The following MMP26 variants were observed in gnomAD, a reference collection of about 807,000 sequenced individuals.
MMP26 encodes the protein matrix metallopeptidase 26.
Under a neutral mutation model 31.0 loss-of-function variants are expected in MMP26, and 33 were observed. The observed-to-expected ratio is 1.06, with a 90% CI of 0.81 to 1.42. The LOEUF is 1.42. Ranked by LOEUF, MMP26 falls within the 40% of genes most tolerant of loss-of-function variation. The probability of loss-of-function intolerance (pLI) is 0.00; values close to 1 mark genes in which losing one functional copy is unlikely to be tolerated. For synonymous variants in MMP26, 122 were observed against 114.9 expected, an observed-to-expected ratio of 1.06 and a Z score of -0.40; for missense variants, 347 against 316.1, an observed-to-expected ratio of 1.10 and a Z score of -0.74.
intron 2 of MMP26, among the ~76,000 whole-genome samples, chr11:4,873,172 G>A (rs566572618): frequency 5.3e-5 from 8 of 152,066 alleles, no homozygotes; most frequent in African/African-American, 1.7e-4. Context: ...AAGGAATCAG[G>A]GGCCTCGTTT....
At chr11:4,765,421 T>A (rs901918657) in intron 1 of MMP26, among the ~76,000 whole-genome samples, 2 of 152,240 alleles carry the variant, frequency 1.3e-5, no homozygotes, top group African/African-American at 4.8e-5. Flanking sequence ...TGACAGGTCC[T>A]GCTCCTCTAT....
chr11:4,731,642 A>C (rs971041309), intron 1 of MMP26, among the ~76,000 whole-genome samples: 2 of 152,130 alleles, frequency 1.3e-5, no homozygotes, highest in South Asian at 2.1e-4. Flanking sequence ...GTGTGGGGAC[A>C]TTTTCTATAA....
At chr11:4,862,959 A>G (rs1223353557) in intron 2 of MMP26, among the ~76,000 whole-genome samples, 1 of 152,050 alleles carries the variant, frequency 6.6e-6, no homozygotes, top group East Asian at 1.9e-4. Context: ...GTTTTTCTTT[A>G]AATGTCAAGT....
intron 1 of MMP26, among the ~76,000 whole-genome samples, chr11:4,724,572 T>G (rs575336284): frequency 4.6e-5 from 7 of 152,326 alleles, no homozygotes; most frequent in African/African-American, 1.4e-4. Context: ...TTTCTAATGG[T>G]TTGGAAGCAA....
intron 2 of MMP26, among the ~76,000 whole-genome samples, chr11:4,911,709 T>C (rs1317955281): frequency 6.6e-6 from 1 of 152,142 alleles, no homozygotes; most frequent in Non-Finnish European, 1.5e-5. Context: ...GAAAAGCCCC[T>C]CTTTATAGAG....
intron 2 of MMP26, chr11:4,937,357 C>G (rs1398618109): frequency 6.6e-6 from 1 of 152,230 alleles, no homozygotes; most frequent in Admixed American, 6.5e-5. Context: ...CTTTGATCAA[C>G]TTACTTTTGG....
intron 1 of MMP26, among the ~76,000 whole-genome samples, chr11:4,727,535 C>T (rs1848117376): frequency 6.6e-6 from 1 of 152,222 alleles, no homozygotes; most frequent in South Asian, 2.1e-4. Flanking sequence ...CTTGGCTGGG[C>T]ACGGTGGCTC....
chr11:4,962,898 T>C (rs1026465162), intron 2 of MMP26, among the ~76,000 whole-genome samples: 15 of 152,272 alleles, frequency 9.9e-5, no homozygotes, highest in Admixed American at 9.2e-4. Flanking sequence ...TGATAAATAG[T>C]TGAGCCCACA....
rs182937496 is a variant in MMP26 at position 4,733,549 on chromosome 11, A to T, written c.-217+28504A>T. On this transcript the variant is annotated intron_variant, in intron 1 of 7. Coordinates refer to ENST00000380390, the MANE Select transcript of MMP26 (RefSeq NM_021801.5). ...TTCTGCAACTTGTCTGAACCCATTTATTAGTTTTAATATTTAGTAGATTAA... is the reference window on the plus strand; with the variant it reads ...TTCTGCAACTTGTCTGAACCCATTTTTTAGTTTTAATATTTAGTAGATTAA... Among the ~76,000 whole-genome samples, 3 of 152,218 alleles carry T rather than the reference A, an allele frequency of 2.0e-5. No homozygotes were observed. The East Asian group carries it at 5.8e-4, about 29-fold the overall frequency.
chr11:4,813,826 T>TAA (rs71050432), intron 2 of MMP26, among the ~76,000 whole-genome samples: 6 of 150,734 alleles, frequency 4.0e-5, no homozygotes, highest in African/African-American at 9.7e-5. Flanking sequence ...TTCATTAAAA[T>TAA]AAAAAAAAAT....
intron 2 of MMP26, chr11:4,786,978 G>A (rs141048731): frequency 6.5e-6 from 1 of 152,926 alleles, no homozygotes; most frequent in Non-Finnish European, 1.5e-5. Flanking sequence ...ACCTGGGGCT[G>A]ACCCTCTCCA....
chr11:4,992,176 C>G, intron 7 of MMP26, 38 bp from the exon 8 acceptor site: 2 of 1,553,190 alleles, frequency 1.3e-6, no homozygotes, highest in South Asian at 2.3e-5. Flanking sequence ...AAAATTTCAC[C>G]TGAAATTTAC....
Position 4,814,843 on chromosome 11 carries a change from A to G in MMP26, c.-145+47502A>G, listed in dbSNP as rs534889910. Among the ~76,000 whole-genome samples the G allele has an allele frequency of 2.0e-4, 30 of 152,280 alleles. 1 individual carries two copies. In the East Asian group the frequency reaches 3.9e-3, roughly 20 times the overall value. ...ATAGTAATTCTGCATATAGTTGTGA[A>G]CCAAAAGTATCTGAGACAGGTCTCA... On this transcript the variant is annotated intron_variant, in intron 2 of 7. Transcript: ENST00000380390.
chr11:4,849,311 C>G (rs1377514196), intron 2 of MMP26: 10 of 1,244,042 alleles, frequency 8.0e-6, no homozygotes, highest in Non-Finnish European at 1.0e-5. Flanking sequence ...TAGCCTGCAT[C>G]TTCCCTTCCC....
chr11:4,962,054 T>G (rs1172267712), intron 2 of MMP26, among the ~76,000 whole-genome samples: 1 of 152,056 alleles, frequency 6.6e-6, no homozygotes, highest in African/African-American at 2.4e-5. Context: ...TTGTTTGTTT[T>G]TTGTATATTT....
At chr11:4,737,353 C>T (rs886113332) in intron 1 of MMP26, among the ~76,000 whole-genome samples, 2 of 151,922 alleles carry the variant, frequency 1.3e-5, no homozygotes, top group Non-Finnish European at 2.9e-5. Context: ...TTTTTCAAAA[C>T]CCAGAGGTGG....
chr11:4,989,759 A>AT lies in MMP26; in HGVS notation c.212dup (p.Met71IlefsTer16). On this transcript the variant is annotated frameshift_variant, in exon 4 of 8. Coordinates refer to ENST00000380390, the MANE Select transcript of MMP26 (RefSeq NM_021801.5). LOFTEE classifies it high-confidence loss of function. The stretch of plus-strand genomic sequence containing the variant: ...TCGGAATGGGACAGACCTACTTGAC[A>AT]TGCAGATGCATGCTCTGCTACACCA... 1 of 1,614,032 alleles carries AT rather than the reference A, an allele frequency of 6.2e-7. No individual in the cohort carries two copies. Among genetic ancestry groups the AT allele is most frequent in the South Asian group, 1.1e-5 (1 of 91,080 alleles).
chr11:4,727,126 G>T (rs1848111542), intron 1 of MMP26, among the ~76,000 whole-genome samples: 1 of 151,910 alleles, frequency 6.6e-6, no homozygotes, highest in Non-Finnish European at 1.5e-5. Flanking sequence ...CCAAGGGTAA[G>T]AAAAAAATGT....
intron 2 of MMP26, among the ~76,000 whole-genome samples, chr11:4,970,755 G>A (rs1231598909): frequency 1.3e-5 from 2 of 152,162 alleles, no homozygotes; most frequent in Non-Finnish European, 2.9e-5. Context: ...TGGTGGCTAT[G>A]GCAGTGGCAG....
Sources: allele counts gnomAD v4.1 joint callset (sites outside exome capture counted in the v4.1 genomes callset), GRCh38; gene constraint gnomAD v4.1.1; transcripts MANE v1.5; gene names NCBI Gene and HGNC (gene_info 2026-07-23, HGNC 2026-07-21).